The following TNR variants were observed in gnomAD, a reference collection of about 807,000 sequenced individuals.
TNR encodes tenascin-R.
Under a neutral mutation model 150.4 loss-of-function variants are expected in TNR, and 45 were observed. The observed-to-expected ratio is 0.30, with a 90% CI of 0.24 to 0.38. The LOEUF (loss-of-function observed/expected upper bound fraction) is 0.38. TNR is among the 10% of genes least tolerant of loss of function. The pLI is 1.00. For missense variants in TNR, 1,544 were observed against 1,759.1 expected (o/e 0.88, Z 2.19); for synonymous variants, 687 against 678.4 (o/e 1.01, Z -0.20).
At chr1:175,559,445 A>G (rs79717128) in intron 1 of TNR, among the ~76,000 whole-genome samples, 1,886 of 152,320 alleles carry the variant, frequency 0.012, 35 homozygotes, top group African/African-American at 0.043. Context: ...CATTTTAAAT[A>G]GAATGAAAAT....
intron 2 of TNR, among the ~76,000 whole-genome samples, chr1:175,484,479 T>C (rs1205765000): frequency 6.6e-6 from 1 of 152,170 alleles, no homozygotes; most frequent in Non-Finnish European, 1.5e-5. Context: ...TCTTTCCTTT[T>C]GCAGTCCACC....
Position 175,601,903 on chromosome 1 carries a change from A to G in TNR, c.-164-73534T>C, listed in dbSNP as rs118099245. Reference sequence around the variant, plus strand: ...CATACTTGCAAAACACACATGAACAATTTAAAGAAAAGCCATGAATAAATG... The same window carrying G: ...CATACTTGCAAAACACACATGAACAGTTTAAAGAAAAGCCATGAATAAATG... On this transcript the variant is annotated intron_variant, in intron 1 of 22. Coordinates refer to ENST00000367674, the MANE Select transcript of TNR (RefSeq NM_003285.3). Among the ~76,000 whole-genome samples, 203 of 152,298 alleles carry G rather than the reference A, an allele frequency of 1.3e-3. No homozygotes were observed. In the East Asian group the frequency reaches 0.031, roughly 23 times the overall value.
intron 9 of TNR, among the ~76,000 whole-genome samples, chr1:175,375,118 C>T (rs1332953214): frequency 6.6e-6 from 1 of 151,652 alleles, no homozygotes; most frequent in Non-Finnish European, 1.5e-5. Flanking sequence ...AATCTTCTCC[C>T]TCCCTTCTCT....
chr1:175,340,711 T>C (rs1650480667), intron 18 of TNR, among the ~76,000 whole-genome samples: 1 of 152,194 alleles, frequency 6.6e-6, no homozygotes, highest in Non-Finnish European at 1.5e-5. Flanking sequence ...AACCTTCTCT[T>C]TGTCTGGCAC....
intron 1 of TNR, among the ~76,000 whole-genome samples, chr1:175,596,333 C>T (rs1257979853): frequency 2.6e-5 from 4 of 152,108 alleles, no homozygotes; most frequent in Non-Finnish European, 2.9e-5. Flanking sequence ...CCCCACCCGT[C>T]GTTCACCACT....
chr1:175,673,783 G>A (rs1665775117), intron 1 of TNR, among the ~76,000 whole-genome samples: 1 of 152,240 alleles, frequency 6.6e-6, no homozygotes, highest in South Asian at 2.1e-4. Flanking sequence ...TGAGAGTGCA[G>A]GGCATTTTGG....
chr1:175,345,121 A>G (rs1650718169), intron 18 of TNR, among the ~76,000 whole-genome samples: 1 of 152,002 alleles, frequency 6.6e-6, no homozygotes, highest in African/African-American at 2.4e-5. Context: ...AACAAACAAA[A>G]CAAAACAAAA....
chr1:175,614,952 T>C (rs767582158), intron 1 of TNR, among the ~76,000 whole-genome samples: 11 of 152,188 alleles, frequency 7.2e-5, no homozygotes, highest in Non-Finnish European at 1.2e-4. Flanking sequence ...GCCGTGGAAC[T>C]CCCTTCCTCT....
chr1:175,658,587 T>A (rs557418127), intron 1 of TNR, among the ~76,000 whole-genome samples: 3 of 152,348 alleles, frequency 2.0e-5, no homozygotes, highest in African/African-American at 7.2e-5. Flanking sequence ...TATTCTCAAG[T>A]GGTCCCAATG....
intron 2 of TNR, among the ~76,000 whole-genome samples, chr1:175,480,558 T>C (rs1430599922): frequency 6.6e-6 from 1 of 152,234 alleles, no homozygotes; most frequent in Non-Finnish European, 1.5e-5. Flanking sequence ...CTGGTCATAA[T>C]GACTTGACTC....
At chr1:175,611,155 C>T (rs773814075) in intron 1 of TNR, among the ~76,000 whole-genome samples, 2 of 152,168 alleles carry the variant, frequency 1.3e-5, no homozygotes, top group African/African-American at 2.4e-5. Context: ...TAATTTAACC[C>T]GTTCCTTCAT....
At chr1:175,656,409 A>G (rs1244763832) in intron 1 of TNR, among the ~76,000 whole-genome samples, 2 of 152,202 alleles carry the variant, frequency 1.3e-5, no homozygotes, top group African/African-American at 2.4e-5. Flanking sequence ...GGTCTGAACC[A>G]GCAACCTCTC....
At chr1:175,626,938 T>C (rs1664173843) in intron 1 of TNR, among the ~76,000 whole-genome samples, 1 of 152,166 alleles carries the variant, frequency 6.6e-6, no homozygotes, top group Non-Finnish European at 1.5e-5. Flanking sequence ...ATTGCAGTGA[T>C]GTCACCACAA....
At position 175,517,045 on chromosome 1, in the gene TNR, GAGAGAGAGAGAGAA is replaced by G. The variant is rs1250158821; in HGVS notation, c.-64+11210_-64+11223del. ...AGAGAGAGAGAGAGAGAGAGAGAGA[GAGAGAGAGAGAGAA>G]AGAGAGAGAGACCTTCAAATACAGC... On this transcript the variant is annotated intron_variant, in intron 2 of 22. Coordinates refer to ENST00000367674, the MANE Select transcript of TNR (RefSeq NM_003285.3). Among the ~76,000 whole-genome samples, 515 of 150,052 alleles carry G rather than the reference GAGAGAGAGAGAGAA, an allele frequency of 3.4e-3. 6 individuals are homozygous for G. The highest frequency in any genetic ancestry group is 0.012 in the African/African-American group (466 of 39,930).
At chr1:175,647,368 G>A (rs1248118563) in intron 1 of TNR, among the ~76,000 whole-genome samples, 1 of 150,264 alleles carries the variant, frequency 6.7e-6, no homozygotes. Context: ...TTCTTTAAGA[G>A]CCTTTCTTTC....
chr1:175,669,562 A>G (rs545175289), intron 1 of TNR, among the ~76,000 whole-genome samples: 1 of 152,174 alleles, frequency 6.6e-6, no homozygotes, highest in Non-Finnish European at 1.5e-5. Flanking sequence ...GCATGCAATT[A>G]CCCAGATGGA....
At chr1:175,557,051 CT>C (rs1661189279) in intron 1 of TNR, among the ~76,000 whole-genome samples, 1 of 152,192 alleles carries the variant, frequency 6.6e-6, no homozygotes, top group Non-Finnish European at 1.5e-5. Context: ...CTGAGGATGT[CT>C]CCCCACTGCC....
chr1:175,629,531 C>A (rs1431267953), intron 1 of TNR, among the ~76,000 whole-genome samples: 4 of 152,018 alleles, frequency 2.6e-5, no homozygotes, highest in Non-Finnish European at 1.5e-5. Context: ...GAAGAGGGGA[C>A]AGGTGGGACT....
intron 1 of TNR, among the ~76,000 whole-genome samples, chr1:175,577,345 G>A (rs1160522904): frequency 6.6e-6 from 1 of 152,200 alleles, no homozygotes; most frequent in Non-Finnish European, 1.5e-5. Flanking sequence ...AGGTCTGGGA[G>A]TGAAGACATT....
Sources: gnomAD v4.1 joint callset for allele counts (sites outside exome capture counted in the v4.1 genomes callset) on GRCh38, gnomAD v4.1.1 for gene constraint, MANE v1.5 for transcripts, NCBI Gene and HGNC (gene_info 2026-07-23, HGNC 2026-07-21) for gene names.